The following NBEA variants were observed in gnomAD, a reference collection of about 807,000 sequenced individuals.
NBEA encodes lysosomal-trafficking regulator 2.
A neutral mutation model predicts 343.4 loss-of-function variants in NBEA; 44 were observed. That is an observed-to-expected ratio of 0.13 (90% confidence interval 0.10 to 0.16). The LOEUF (loss-of-function observed/expected upper bound fraction) is 0.16. NBEA is among the 10% of genes least tolerant of loss of function. The pLI, the probability that NBEA is intolerant of heterozygous loss-of-function variation, is 1.00. For missense variants in NBEA, 2,555 were observed against 3,631.3 expected (o/e 0.70, Z 7.62); for synonymous variants, 1,175 against 1,238.7 (o/e 0.95, Z 1.08).
chr13:35,264,503 A>G (rs2033492729), intron 34 of NBEA, among the ~76,000 whole-genome samples: 1 of 152,068 alleles, frequency 6.6e-6, no homozygotes, highest in South Asian at 2.1e-4. Context: ...CTGCAACAAA[A>G]TACTAGCAAA....
At chr13:35,025,260 C>T (rs553544881) in intron 1 of NBEA, among the ~76,000 whole-genome samples, 4 of 152,190 alleles carry the variant, frequency 2.6e-5, no homozygotes, top group African/African-American at 9.6e-5. Context: ...AGACCTATGT[C>T]TAGAAGGCTA....
At chr13:35,208,934 T>A (rs1192095947) in intron 32 of NBEA, 80 bp downstream of exon 32, 1 of 1,034,328 alleles carries the variant, frequency 9.7e-7, no homozygotes, top group East Asian at 2.8e-5. Context: ...ATCTTAAAAA[T>A]TAAAATACCC....
chr13:35,513,895 TA>T (rs2077381888), intron 41 of NBEA, among the ~76,000 whole-genome samples: 1 of 152,170 alleles, frequency 6.6e-6, no homozygotes, highest in Non-Finnish European at 1.5e-5. Flanking sequence ...AATTTGAGAT[TA>T]GAAAATCTAT....
intron 7 of NBEA, among the ~76,000 whole-genome samples, chr13:35,056,696 A>G (rs991272618): frequency 6.6e-6 from 1 of 152,080 alleles, no homozygotes; most frequent in African/African-American, 2.4e-5. Flanking sequence ...ATTTGTCTGG[A>G]GCAGAGGGAG....
chr13:35,040,873 T>C (rs545501346), intron 1 of NBEA, 60 bp from the exon 2 acceptor site: 46 of 1,374,322 alleles, frequency 3.3e-5, no homozygotes, highest in Non-Finnish European at 4.5e-5. Context: ...TATTATTTCA[T>C]TCTACTGTCA....
At chr13:35,642,792 C>A (rs1032927244) in intron 49 of NBEA, among the ~76,000 whole-genome samples, 1 of 152,022 alleles carries the variant, frequency 6.6e-6, no homozygotes, top group East Asian at 1.9e-4. Flanking sequence ...CAAATAGAAA[C>A]CATGTCTGTG....
At chr13:35,425,958 C>T (rs897634009) in intron 38 of NBEA, among the ~76,000 whole-genome samples, 2 of 152,154 alleles carry the variant, frequency 1.3e-5, no homozygotes, top group Admixed American at 6.5e-5. Flanking sequence ...TATCAGAGAC[C>T]AGGATTGCAA....
chr13:35,012,304 T>C (rs2061514166), intron 1 of NBEA, among the ~76,000 whole-genome samples: 1 of 152,138 alleles, frequency 6.6e-6, no homozygotes, highest in African/African-American at 2.4e-5. Flanking sequence ...GTCATCCTTT[T>C]ATAGGGAACC....
intron 31 of NBEA, among the ~76,000 whole-genome samples, chr13:35,206,206 T>C (rs1566457036): frequency 6.6e-6 from 1 of 152,170 alleles, no homozygotes; most frequent in African/African-American, 2.4e-5. Context: ...ATATAACTTA[T>C]TTCTCATAGC....
intron 1 of NBEA, among the ~76,000 whole-genome samples, chr13:35,022,952 A>G (rs749324480): frequency 4.6e-5 from 7 of 152,294 alleles, no homozygotes; most frequent in Admixed American, 2.6e-4. Context: ...AAGAAGATTT[A>G]TGTTTTAGAA....
intron 34 of NBEA, among the ~76,000 whole-genome samples, chr13:35,276,527 A>G (rs2034600493): frequency 1.3e-5 from 2 of 152,220 alleles, no homozygotes; most frequent in Admixed American, 6.5e-5. Flanking sequence ...CTGCATGCTG[A>G]CTATAATGTC....
chr13:34,992,265 T>A (rs1005448686), intron 1 of NBEA, among the ~76,000 whole-genome samples: 18 of 143,866 alleles, frequency 1.3e-4, no homozygotes, highest in Non-Finnish European at 2.6e-4. Context: ...TATATATATT[T>A]TTTTTTTTAG....
At chr13:35,670,394 C>G (rs1302540560) in intron 58 of NBEA, among the ~76,000 whole-genome samples, 1 of 152,130 alleles carries the variant, frequency 6.6e-6, no homozygotes, top group East Asian at 1.9e-4. Context: ...CTGGCAGTGA[C>G]CTCCACTTGG....
chr13:35,113,845 A>C (rs2066358555), intron 13 of NBEA, among the ~76,000 whole-genome samples: 1 of 152,174 alleles, frequency 6.6e-6, no homozygotes, highest in South Asian at 2.1e-4. Context: ...TGAAACTTAC[A>C]AAAACAAGTG....
chr13:35,027,504 G>A lies in NBEA; in HGVS notation c.295-13429G>A, dbSNP rs1470805325. ...CCATAGATCCTCTTTGATCAAATGC[G>A]TGTTCATGTTTTCTGCCCATTTTCT... On this transcript the variant is annotated intron_variant, in intron 1 of 58. Transcript: ENST00000379939. 2.6e-5 allele frequency among the ~76,000 whole-genome samples: 4 copies of A among 151,518 alleles called. No individual in the cohort carries two copies. The South Asian group carries it at 6.2e-4, about 24-fold the overall frequency.
chr13:35,186,707 G>A (rs2071730506), intron 30 of NBEA: 2 of 152,064 alleles, frequency 1.3e-5, no homozygotes, highest in Non-Finnish European at 2.9e-5. Flanking sequence ...TATAATCGCA[G>A]TATTTGTTCA....
chr13:34,972,027 G>A (rs2060013503), intron 1 of NBEA, among the ~76,000 whole-genome samples: 1 of 151,920 alleles, frequency 6.6e-6, no homozygotes, highest in Admixed American at 6.6e-5. Context: ...ACTCATTATT[G>A]GTCAGTTCAG....
intron 1 of NBEA, among the ~76,000 whole-genome samples, chr13:34,951,637 G>C (rs2059352786): frequency 6.6e-6 from 1 of 152,174 alleles, no homozygotes; most frequent in Non-Finnish European, 1.5e-5. Context: ...GTCTTTATCA[G>C]TGCCTGAGGT....
rs753076052 is a variant in NBEA, at chr13:35,004,804, TTGTC to T, written c.295-36126_295-36123del. 8.5e-5 allele frequency among the ~76,000 whole-genome samples: 13 copies of T among 152,292 alleles called. No individual in the cohort carries two copies. In the East Asian group the frequency reaches 2.1e-3, roughly 25 times the overall value. ...GAAGAGGATTTATAACAAATAATGT[TTGTC>T]TGGACATTTGAATTTAAGCATCGAA... On this transcript the variant is annotated intron_variant, in intron 1 of 58. Transcript: ENST00000379939.
Sources: allele counts gnomAD v4.1 joint callset (sites outside exome capture counted in the v4.1 genomes callset), GRCh38; gene constraint gnomAD v4.1.1; transcripts MANE v1.5; gene names NCBI Gene and HGNC (gene_info 2026-07-23, HGNC 2026-07-21).